SLC25A26: variants seen among roughly 807,000 people sequenced by gnomAD.
The protein encoded by SLC25A26 is solute carrier family 25 member 26, also known as mitochondrial S-adenosylmethionine carrier protein.
Under a neutral mutation model 37.8 loss-of-function variants are expected in SLC25A26, and 36 were observed. That is an observed-to-expected ratio of 0.95 (90% confidence interval 0.73 to 1.26). The LOEUF (loss-of-function observed/expected upper bound fraction) is 1.26, where lower values mean the gene tolerates loss of function less well. SLC25A26 is among the 50% of genes most tolerant of loss of function. The pLI is 0.00. For missense variants in SLC25A26, 390 were observed against 331.1 expected (o/e 1.18, Z -1.38); for synonymous variants, 129 against 122.5 (o/e 1.05, Z -0.35).
intron 1 of SLC25A26, among the ~76,000 whole-genome samples, chr3:66,149,937 T>C (rs2106687936): frequency 6.6e-6 from 1 of 152,334 alleles, no homozygotes; most frequent in South Asian, 2.1e-4. Flanking sequence ...CAAGGTCATA[T>C]GACAGAGTCC....
At chr3:66,327,405 T>G (rs185133345) in intron 5 of SLC25A26, among the ~76,000 whole-genome samples, 1 of 152,374 alleles carries the variant, frequency 6.6e-6, no homozygotes, top group African/African-American at 2.4e-5. Context: ...CACTTATAAT[T>G]GTTTTATATA....
intron 1 of SLC25A26, 52 bp downstream of exon 1, chr3:66,221,179 G>A: frequency 6.7e-7 from 1 of 1,486,602 alleles, no homozygotes; most frequent in Non-Finnish European, 8.9e-7. Context: ...GTCCGGCATT[G>A]GAGCCCGCGG....
chr3:66,190,579 C>CA (rs2106788245), intron 1 of SLC25A26, among the ~76,000 whole-genome samples: 1 of 152,234 alleles, frequency 6.6e-6, no homozygotes, highest in Admixed American at 6.5e-5. Context: ...CAGGTGTGCA[C>CA]ACCCGCACCT....
intron 1 of SLC25A26, among the ~76,000 whole-genome samples, chr3:66,197,940 G>T (rs1412765263): frequency 6.6e-6 from 1 of 152,100 alleles, no homozygotes; most frequent in Non-Finnish European, 1.5e-5. Flanking sequence ...ACAAGTGATG[G>T]TCATAGACAG....
At position 66,221,032 on chromosome 3, in the gene SLC25A26, C is replaced by T. The variant is rs1205104413; in HGVS notation, c.-63C>T. 3.3e-6 allele frequency: 5 copies of T among 1,518,442 alleles called. No homozygotes were observed. The highest frequency in any genetic ancestry group is 2.5e-5 in the East Asian group (1 of 40,580). The allele number at this position is 1,518,442 out of a possible 1,614,324, so 94.1% of individuals were successfully genotyped here. ...GCCTCAAACATGGCGGCGCCCAGCG[C>T]GCGAGGACGTGATCCGCTTCTGCTC... On this transcript the variant is annotated 5_prime_UTR_variant, in exon 1 of 10. Coordinates refer to ENST00000354883, the MANE Select transcript of SLC25A26 (RefSeq NM_001379210.1).
At chr3:66,208,718 G>GTA (rs1274767065) in intron 1 of SLC25A26, among the ~76,000 whole-genome samples, 27,016 of 125,372 alleles carry the variant, frequency 0.22, 4,073 homozygotes, top group African/African-American at 0.31. Context: ...ATTTATATGG[G>GTA]TATATATATA....
At chr3:66,164,841 C>G (rs1243615554) in intron 1 of SLC25A26, among the ~76,000 whole-genome samples, 1 of 152,138 alleles carries the variant, frequency 6.6e-6, no homozygotes, top group East Asian at 1.9e-4. Context: ...ACCCAGTTAT[C>G]ATGGTGGTAA....
At chr3:66,226,915 A>G (rs782539557) in intron 1 of SLC25A26, among the ~76,000 whole-genome samples, 2 of 152,144 alleles carry the variant, frequency 1.3e-5, no homozygotes, top group African/African-American at 2.4e-5. Context: ...GCTGATGTTT[A>G]TTTAGTACAC....
chr3:66,184,719 C>T (rs1278330431), intron 1 of SLC25A26, among the ~76,000 whole-genome samples: 2 of 55,662 alleles, frequency 3.6e-5, no homozygotes, highest in African/African-American at 1.9e-4. Flanking sequence ...ATCTTGTGTC[C>T]ATGATCCTGC....
intron 1 of SLC25A26, among the ~76,000 whole-genome samples, chr3:66,165,722 A>G (rs144764418): frequency 0.025 from 3,822 of 152,292 alleles, 165 homozygotes; most frequent in African/African-American, 0.087. Context: ...ACTGTGATAT[A>G]AGGCTCAATT....
At chr3:66,305,369 T>C (rs1241800388) in intron 5 of SLC25A26, among the ~76,000 whole-genome samples, 3 of 152,206 alleles carry the variant, frequency 2.0e-5, no homozygotes, top group Admixed American at 1.3e-4. Context: ...TTATAAAAAA[T>C]GGAATTCCTG....
At chr3:66,204,633 C>G (rs974615089) in intron 1 of SLC25A26, among the ~76,000 whole-genome samples, 3 of 152,020 alleles carry the variant, frequency 2.0e-5, no homozygotes, top group Non-Finnish European at 2.9e-5. Flanking sequence ...CTATCTTGTT[C>G]ATCTATATTC....
chr3:66,363,082 G>GAA (rs75455775), intron 7 of SLC25A26, 153 bp downstream of exon 7: 42 of 128,000 alleles, frequency 3.3e-4, no homozygotes, highest in Non-Finnish European at 5.1e-4. Context: ...TCTTAGAGGG[G>GAA]AAAAAAAAAA....
At chr3:66,236,982 G>A (rs1163778567) in intron 2 of SLC25A26, among the ~76,000 whole-genome samples, 4 of 151,996 alleles carry the variant, frequency 2.6e-5, no homozygotes, top group African/African-American at 7.3e-5. Context: ...GACTACAGGC[G>A]TGCACCACCA....
At chr3:66,180,691 T>A (rs1306024416) in intron 1 of SLC25A26, among the ~76,000 whole-genome samples, 4 of 152,050 alleles carry the variant, frequency 2.6e-5, no homozygotes, top group Non-Finnish European at 4.4e-5. Context: ...TGAGATTTTT[T>A]TAAAAAATCC....
chr3:66,369,337 T>C (rs1700219674), intron 7 of SLC25A26, 141 bp from the exon 8 acceptor site: 3 of 673,076 alleles, frequency 4.5e-6, no homozygotes, highest in South Asian at 3.7e-5. Flanking sequence ...TGGATAAAGA[T>C]TGTGCATGTG....
At chr3:66,308,228 G>A (rs918731509) in intron 5 of SLC25A26, among the ~76,000 whole-genome samples, 4 of 152,088 alleles carry the variant, frequency 2.6e-5, no homozygotes, top group East Asian at 1.9e-4. Context: ...TCTCTTGTAA[G>A]TTGTATTCCT....
intron 5 of SLC25A26, among the ~76,000 whole-genome samples, chr3:66,329,249 T>C (rs1323255012): frequency 6.6e-6 from 1 of 152,214 alleles, no homozygotes; most frequent in Non-Finnish European, 1.5e-5. Context: ...ACCATAATTT[T>C]TATTTCTCTC....
intron 6 of SLC25A26, among the ~76,000 whole-genome samples, chr3:66,354,552 A>G (rs1327591635): frequency 6.6e-6 from 1 of 152,180 alleles, no homozygotes; most frequent in Non-Finnish European, 1.5e-5. Context: ...TCAAGAATAA[A>G]TAGCATTTTT....
Sources: gnomAD v4.1 joint callset for allele counts (sites outside exome capture counted in the v4.1 genomes callset) on GRCh38, gnomAD v4.1.1 for gene constraint, MANE v1.5 for transcripts, NCBI Gene and HGNC (gene_info 2026-07-23, HGNC 2026-07-21) for gene names.